The following KIF25 variants were observed in gnomAD, a reference collection of about 807,000 sequenced individuals.
KIF25 encodes the protein kinesin-like protein KIF25.
In KIF25, 19 loss-of-function variants were observed where a neutral mutation model predicts 32.9. The observed-to-expected ratio is 0.58, with a 90% CI of 0.40 to 0.85. KIF25 has a LOEUF of 0.85. Ranked by LOEUF, KIF25 falls within the 40% of genes least tolerant of loss-of-function variation. The pLI is 0.00. For missense variants in KIF25, 485 were observed against 507.0 expected, an observed-to-expected ratio of 0.96 and a Z score of 0.42; for synonymous variants, 225 against 213.7, an observed-to-expected ratio of 1.05 and a Z score of -0.46.
intron 5 of KIF25, among the ~76,000 whole-genome samples, chr6:168,023,020 A>G (rs1295127849): frequency 6.6e-6 from 1 of 152,082 alleles, no homozygotes; most frequent in African/African-American, 2.4e-5. Flanking sequence ...CACGTGGAAT[A>G]CTTTCTTACC....
intron 2 of KIF25, among the ~76,000 whole-genome samples, chr6:168,001,616 TGGCCTCGGGC>T (rs1798504342): frequency 8.4e-6 from 1 of 118,886 alleles, no homozygotes. Context: ...CCTGAGGCCG[TGGCCTCGGGC>T]AGGTGAGAAG....
rs1299017804 is a variant in KIF25, at chr6:168,042,663, G to A, written c.932G>A (p.Gly311Asp). ...CTGGGGGCTTTGTTGGAGCACCGTG[G>A]CCATGCCCCGTACCGGAACAGCAGG... ...GVLGALLEHR[G>D]HAPYRNSRLT... The change falls in exon 12 of 13, where the codon GGC becomes GAC. Residue 311 changes from glycine to aspartate, a missense_variant. This residue lies in a region of KIF25 where 480 missense variants were observed against 470.3 expected (regional missense o/e 1.02). Transcript: ENST00000643607. 4 of 1,613,600 alleles carry A rather than the reference G, an allele frequency of 2.5e-6. No individual in the cohort carries two copies. The highest frequency in any genetic ancestry group is 3.4e-6 in the Non-Finnish European group (4 of 1,180,032).
At chr6:168,035,436 G>T (rs13216200) in intron 8 of KIF25, among the ~76,000 whole-genome samples, 3,179 of 17,718 alleles carry the variant, frequency 0.18, 171 homozygotes, top group East Asian at 0.27. Flanking sequence ...GGAACGGCGC[G>T]GCGGAGGAGG....
intron 10 of KIF25, among the ~76,000 whole-genome samples, chr6:168,040,978 C>T (rs1450249408): frequency 6.6e-6 from 1 of 152,164 alleles, no homozygotes; most frequent in Non-Finnish European, 1.5e-5. Context: ...GTGGTGGGAA[C>T]TAATAGCAGA....
Position 168,005,912 on chromosome 6 carries a change from G to T in KIF25, c.-163+2209G>T, listed in dbSNP as rs139171410. 1.6e-3 allele frequency among the ~76,000 whole-genome samples: 238 copies of T among 152,242 alleles called. 3 individuals are homozygous for T. In the East Asian group the frequency reaches 0.035, roughly 22 times the overall value. ...ATCAATACTTTGTATCCTTTAATCC[G>T]CTGATCAAGTTGACGCTCGGTATTA... On this transcript the variant is annotated intron_variant, in intron 4 of 12. Coordinates refer to ENST00000643607, the MANE Select transcript of KIF25 (RefSeq NM_030615.4).
At chr6:168,005,647 C>A (rs556955213) in intron 4 of KIF25, among the ~76,000 whole-genome samples, 2 of 152,230 alleles carry the variant, frequency 1.3e-5, no homozygotes, top group Admixed American at 6.5e-5. Context: ...AGAGCCAGTC[C>A]GAGATCCAAA....
In KIF25 at chr6:168,003,444, G is replaced by C. The variant is rs368173675; in HGVS notation, c.-252-170G>C. Among the ~76,000 whole-genome samples, 38 of 149,462 alleles carry C rather than the reference G, an allele frequency of 2.5e-4. No individual in the cohort carries two copies. In the East Asian group the frequency reaches 5.2e-3, roughly 20 times the overall value. ...GCCAAGCCAGTGTCCTGGGAGACCA[G>C]GACAGAGACAGAGATGATGGCAGAG... On this transcript the variant is annotated intron_variant, in intron 3 of 12. Coordinates refer to ENST00000643607, the MANE Select transcript of KIF25 (RefSeq NM_030615.4).
At chr6:168,026,909 T>C (rs991766693) in intron 5 of KIF25, among the ~76,000 whole-genome samples, 7 of 152,198 alleles carry the variant, frequency 4.6e-5, no homozygotes, top group Non-Finnish European at 8.8e-5. Flanking sequence ...GAAATTTCTA[T>C]AGTCGTTCAA....
At chr6:168,009,118 T>C (rs2636355) in intron 4 of KIF25, among the ~76,000 whole-genome samples, 8,441 of 152,166 alleles carry the variant, frequency 0.055, 312 homozygotes, top group Admixed American at 0.093. Flanking sequence ...ACCATATTGA[T>C]AAGAGTGGTG....
Position 168,030,792 on chromosome 6 carries a change from T to C in KIF25, c.112T>C (p.Ser38Pro). The C allele has an allele frequency of 3.1e-6, 5 of 1,613,008 alleles. No homozygotes were observed. Among genetic ancestry groups the C allele is most frequent in the Non-Finnish European group, 4.2e-6 (5 of 1,179,618 alleles). ...TCTCAGGGTTTATGGTCCAGCAGAG[T>C]CTCAGAGCGCGGTCTTTGGAGATGT... ...KDLRVYGPAE[S>P]QSAVFGDVCP... The change falls in exon 7 of 13, where the codon TCT becomes CCT. Residue 38 changes from serine to proline, a missense_variant. Around this residue, in one of 2 missense-constraint regions of KIF25, gnomAD observed 480 missense variants for 470.3 expected, o/e 1.02. Coordinates refer to ENST00000643607, the MANE Select transcript of KIF25 (RefSeq NM_030615.4).
chr6:168,029,767 G>A (rs889400879), intron 6 of KIF25, 90 bp downstream of exon 6: 2 of 1,460,332 alleles, frequency 1.4e-6, no homozygotes, highest in African/African-American at 1.4e-5. Flanking sequence ...TTCTACTTTT[G>A]TATCTTGGTG....
At position 168,003,052 on chromosome 6, in the gene KIF25, C is replaced by T. The variant is rs114949657; in HGVS notation, c.-253+393C>T. ...AATTCAGAGAAGCTTTGCTCACTTG[C>T]GCACCGCTCACCTCCTGCTGTGCAG... On this transcript the variant is annotated intron_variant, in intron 3 of 12. Transcript: ENST00000643607. Among the ~76,000 whole-genome samples, 1,033 of 152,322 alleles carry T rather than the reference C, an allele frequency of 6.8e-3. 13 individuals are homozygous for T. Among genetic ancestry groups the T allele is most frequent in the African/African-American group, 0.023 (964 of 41,566 alleles).
At chr6:168,005,059 G>T (rs1012921999) in intron 4 of KIF25, among the ~76,000 whole-genome samples, 16 of 152,214 alleles carry the variant, frequency 1.1e-4, no homozygotes, top group African/African-American at 3.6e-4. Flanking sequence ...GTCAGCCTCA[G>T]TGTGTCCTGG....
Position 168,009,788 on chromosome 6 carries a change from G to C in KIF25, c.-163+6085G>C, listed in dbSNP as rs760438016. Among the ~76,000 whole-genome samples the C allele has an allele frequency of 2.6e-5, 4 of 151,858 alleles. No homozygotes were observed. The South Asian group carries it at 8.3e-4, about 32-fold the overall frequency. On this transcript the variant is annotated intron_variant, in intron 4 of 12. Transcript: ENST00000643607. Reference sequence around the variant, plus strand: ...TGTTCAGATTTTTAATTTCTTTTTTGTTCAATCTTGGTAGATTATATGTAT... The same window carrying C: ...TGTTCAGATTTTTAATTTCTTTTTTCTTCAATCTTGGTAGATTATATGTAT...
intron 8 of KIF25, chr6:168,035,651 C>T (rs371408554): frequency 1.1e-5 from 5 of 454,784 alleles, no homozygotes; most frequent in African/African-American, 1.0e-4. Flanking sequence ...GGGCCCATCG[C>T]ATTACTGGCA....
chr6:168,044,875 G>A lies in KIF25; in HGVS notation c.1034G>A (p.Arg345Lys), dbSNP rs931328329. The A allele has an allele frequency of 1.9e-6, 3 of 1,609,388 alleles. No homozygotes were observed. Among genetic ancestry groups the A allele is most frequent in the Admixed American group, 1.7e-5 (1 of 59,674 alleles). The change falls in exon 13 of 13, where the codon AGG becomes AAG. Residue 345 changes from arginine to lysine, a missense_variant. Physicochemically the swap from Arg to Lys is conservative, Grantham distance 26. Around this residue, in one of 2 missense-constraint regions of KIF25, gnomAD observed 480 missense variants for 470.3 expected, o/e 1.02. Coordinates refer to ENST00000643607, the MANE Select transcript of KIF25 (RefSeq NM_030615.4). ...ATTCTCTGCATTTCTCCCAGCCAGA[G>A]GCACCTGGCACAGACGTTGCAGGGC... is the stretch of plus-strand genomic sequence containing the variant. The part of the protein sequence containing the change: ...LVILCISPSQ[R>K]HLAQTLQGLG...
At chr6:168,030,178 C>A (rs1480052315) in intron 6 of KIF25, among the ~76,000 whole-genome samples, 1 of 152,162 alleles carries the variant, frequency 6.6e-6, no homozygotes, top group Non-Finnish European at 1.5e-5. Context: ...TTTATAGACC[C>A]AGAACCACAT....
chr6:168,027,432 C>T (rs563931291), intron 5 of KIF25, among the ~76,000 whole-genome samples: 28 of 123,086 alleles, frequency 2.3e-4, no homozygotes, highest in Non-Finnish European at 4.2e-4. Flanking sequence ...CCAGCCTGGG[C>T]GACAGAGCAA....
intron 7 of KIF25, among the ~76,000 whole-genome samples, chr6:168,032,676 T>C (rs1420824416): frequency 6.6e-6 from 1 of 152,238 alleles, no homozygotes; most frequent in Non-Finnish European, 1.5e-5. Context: ...AACACTGTCT[T>C]GCAATCATTT....
Sources: allele counts gnomAD v4.1 joint callset (sites outside exome capture counted in the v4.1 genomes callset), GRCh38; gene constraint gnomAD v4.1.1; regional missense constraint gnomAD v4.1.1; transcripts MANE v1.5; gene names NCBI Gene and HGNC (gene_info 2026-07-23, HGNC 2026-07-21).